KDM5A: variants seen among roughly 807,000 people sequenced by gnomAD.
KDM5A encodes lysine-specific demethylase 5A.
KDM5A carries 42 observed loss-of-function variants against 193.5 expected under a neutral mutation model. The ratio of observed to expected loss-of-function variants is 0.22; its 90% CI spans 0.17 to 0.28. The LOEUF is 0.28. KDM5A is among the 10% of genes least tolerant of loss of function. KDM5A has a pLI of 1.00. For missense variants in KDM5A, 1,692 were observed against 2,055.1 expected (o/e 0.82, Z 3.42); for synonymous variants, 796 against 718.1 (o/e 1.11, Z -1.73).
At chr12:374,812 A>G (rs1001031008) in intron 3 of KDM5A, among the ~76,000 whole-genome samples, 2 of 152,010 alleles carry the variant, frequency 1.3e-5, no homozygotes, top group Admixed American at 1.3e-4. Context: ...GTAAAGGATT[A>G]TATTTCTCCT....
At chr12:386,683 TAAAAGA>T (rs962708482) in intron 1 of KDM5A, among the ~76,000 whole-genome samples, 11 of 152,112 alleles carry the variant, frequency 7.2e-5, no homozygotes, top group South Asian at 4.1e-4. Flanking sequence ...CCTATCTCTA[TAAAAGA>T]AAAAGAAAAA....
chr12:383,365 C>T (rs1179051905), intron 3 of KDM5A, among the ~76,000 whole-genome samples: 1 of 152,132 alleles, frequency 6.6e-6, no homozygotes, highest in Non-Finnish European at 1.5e-5. Context: ...CAGGTGTGCA[C>T]CACCATGCCC....
chr12:302,602 T>C (rs1324625991), intron 24 of KDM5A, among the ~76,000 whole-genome samples: 1 of 151,962 alleles, frequency 6.6e-6, no homozygotes, highest in Admixed American at 6.6e-5. Flanking sequence ...ATTCAGGACA[T>C]GGGCATGGGC....
intron 3 of KDM5A, among the ~76,000 whole-genome samples, chr12:376,547 C>T (rs1284130798): frequency 6.6e-6 from 1 of 152,198 alleles, no homozygotes; most frequent in African/African-American, 2.4e-5. Context: ...CGATGCCTCG[C>T]CCTGCTTTGG....
intron 3 of KDM5A, among the ~76,000 whole-genome samples, chr12:370,325 G>A (rs561923058): frequency 1.3e-5 from 2 of 152,260 alleles, no homozygotes; most frequent in African/African-American, 4.8e-5. Flanking sequence ...CCCAGGAGGC[G>A]GGGATTGCAG....
intron 3 of KDM5A, among the ~76,000 whole-genome samples, chr12:382,709 G>A (rs184315810): frequency 3.4e-4 from 51 of 152,166 alleles, no homozygotes; most frequent in Middle Eastern, 6.8e-3. Context: ...CAAGGTGAGC[G>A]GATCACGAGG....
At chr12:349,043 A>G (rs1413113229) in intron 10 of KDM5A, among the ~76,000 whole-genome samples, 3 of 145,886 alleles carry the variant, frequency 2.1e-5, no homozygotes, top group Admixed American at 6.8e-5. Context: ...TTTTTGAGAT[A>G]CTGTTTCACC....
chr12:322,993 T>C (rs2137410228), intron 16 of KDM5A, 89 bp downstream of exon 16: 1 of 1,565,298 alleles, frequency 6.4e-7, no homozygotes, highest in South Asian at 1.1e-5. Flanking sequence ...ATTTTTCTTT[T>C]ACGGAAGGAA....
chr12:355,324 ATTAT>A, intron 6 of KDM5A, 75 bp from the exon 7 acceptor site: 1 of 815,436 alleles, frequency 1.2e-6, no homozygotes, highest in Non-Finnish European at 2.2e-6. Flanking sequence ...ACTATTTAAA[ATTAT>A]TTAAATTAGT....
chr12:349,966 TA>T (rs950434811), intron 10 of KDM5A, among the ~76,000 whole-genome samples: 3 of 148,400 alleles, frequency 2.0e-5, no homozygotes, highest in Non-Finnish European at 4.5e-5. Context: ...CCATCTCTAC[TA>T]AAAATACAAA....
chr12:318,027 T>C, intron 19 of KDM5A, 79 bp downstream of exon 19: 2 of 1,053,500 alleles, frequency 1.9e-6, no homozygotes, highest in Non-Finnish European at 1.5e-6. Context: ...TTTAATGAAA[T>C]AAGCTTTTAA....
At chr12:330,054 A>AGTGTGTATGT (rs1436319928) in intron 13 of KDM5A, among the ~76,000 whole-genome samples, 6 of 142,276 alleles carry the variant, frequency 4.2e-5, no homozygotes, top group African/African-American at 1.6e-4. Flanking sequence ...CAAAGGAAAA[A>AGTGTGTATGT]GTGTGTGTGT....
At chr12:308,908 T>C (rs117857612) in intron 22 of KDM5A, among the ~76,000 whole-genome samples, 1,638 of 152,304 alleles carry the variant, frequency 0.011, 14 homozygotes, top group Middle Eastern at 0.027. Context: ...CAAAAAAGCA[T>C]AATTCTCATC....
chr12:328,373 T>C (rs1243758449), intron 14 of KDM5A, among the ~76,000 whole-genome samples: 1 of 152,216 alleles, frequency 6.6e-6, no homozygotes, highest in Non-Finnish European at 1.5e-5. Context: ...CCCAGTTCAA[T>C]GTGATGATGC....
chr12:348,250 A>G (rs1367221275), intron 10 of KDM5A, among the ~76,000 whole-genome samples: 1 of 152,212 alleles, frequency 6.6e-6, no homozygotes, highest in African/African-American at 2.4e-5. Context: ...CGATCATTAA[A>G]AAGTCAGGAA....
intron 8 of KDM5A, 103 bp downstream of exon 8, chr12:353,973 A>T: frequency 1.0e-6 from 1 of 959,848 alleles, no homozygotes. Flanking sequence ...ATGAAGACAG[A>T]ATGACAAAAG....
chr12:345,325 C>T (rs1944057521), intron 10 of KDM5A, among the ~76,000 whole-genome samples: 1 of 152,174 alleles, frequency 6.6e-6, no homozygotes, highest in African/African-American at 2.4e-5. Flanking sequence ...TAATGGGAAA[C>T]TTTAACAACC....
intron 10 of KDM5A, among the ~76,000 whole-genome samples, chr12:347,939 T>C (rs967607363): frequency 1.3e-5 from 2 of 152,308 alleles, no homozygotes; most frequent in African/African-American, 4.8e-5. Flanking sequence ...GAAGAGCTTC[T>C]GTACAGCAAA....
At chr12:341,682 A>T (rs1944007330) in intron 10 of KDM5A, among the ~76,000 whole-genome samples, 1 of 152,142 alleles carries the variant, frequency 6.6e-6, no homozygotes, top group Non-Finnish European at 1.5e-5. Context: ...TGAGCGAATC[A>T]CGAGGTCAGG....
Sources: allele counts gnomAD v4.1 joint callset (sites outside exome capture counted in the v4.1 genomes callset), GRCh38; gene constraint gnomAD v4.1.1; transcripts MANE v1.5; gene names NCBI Gene and HGNC (gene_info 2026-07-23, HGNC 2026-07-21).